TUBGCP5: variants seen among roughly 807,000 people sequenced by gnomAD.
TUBGCP5 encodes gamma-tubulin complex component 5.
In TUBGCP5, 98 loss-of-function variants were observed where a neutral mutation model predicts 134.7. The ratio of observed to expected loss-of-function variants is 0.73; its 90% confidence interval spans 0.62 to 0.86. The LOEUF (loss-of-function observed/expected upper bound fraction) is 0.86. Among genes scored for constraint, TUBGCP5 ranks in the 40% least tolerant of loss-of-function variants. The probability of loss-of-function intolerance (pLI) is 0.00; values close to 1 mark genes in which losing one functional copy is unlikely to be tolerated. For missense variants in TUBGCP5, 1,150 were observed against 1,244.8 expected (o/e 0.92, Z 1.15); for synonymous variants, 456 against 431.4 (o/e 1.06, Z -0.71).
At chr15:22,995,170 G>T (rs182209713), downstream of TUBGCP5, among the ~76,000 whole-genome samples, 752 of 152,080 alleles carry the variant, frequency 4.9e-3, 3 homozygotes, top group Admixed American at 5.3e-3. Flanking sequence ...CTTGAACCTG[G>T]GAGGCAGAGG....
At chr15:23,024,888 A>G (rs1054241825) in intron 8 of TUBGCP5, 58 bp from the exon 9 acceptor site, 3 of 1,052,360 alleles carry the variant, frequency 2.9e-6, no homozygotes, top group Non-Finnish European at 2.9e-6. Flanking sequence ...TATTCATGAC[A>G]GTATGCCCAG....
chr15:23,002,939 C>A (rs2064475159), intron 21 of TUBGCP5, 126 bp downstream of exon 21: 4 of 805,718 alleles, frequency 5.0e-6, no homozygotes, highest in Non-Finnish European at 7.7e-6. Context: ...TAGTCTTGAA[C>A]TCCTGGGGTC....
rs139149953 is a variant in TUBGCP5 at position 23,027,257 on chromosome 15, G to A, written c.672C>T (p.Tyr224=). The A allele has an allele frequency of 2.5e-6, 4 of 1,613,922 alleles. No individual in the cohort carries two copies. The highest frequency in any genetic ancestry group is 3.4e-6 in the Non-Finnish European group (4 of 1,179,976). Reference sequence around the variant, plus strand: ...GAAACTGGGAGGGCCTGGCTGTCCAGTACTGATGGACCACATGATGTTCCA... The same window carrying A: ...GAAACTGGGAGGGCCTGGCTGTCCAATACTGATGGACCACATGATGTTCCA... ...SWLEHHVVHQ[Y]WTARPSQFPH... Residue 224 remains tyrosine (Y), a synonymous_variant, in exon 7 of 23, where the codon TAC becomes TAT. Coordinates refer to ENST00000615383, the MANE Select transcript of TUBGCP5 (RefSeq NM_052903.6).
intron 21 of TUBGCP5, among the ~76,000 whole-genome samples, chr15:23,002,324 C>T (rs2064435284): frequency 1.3e-5 from 2 of 152,146 alleles, no homozygotes; most frequent in Non-Finnish European, 2.9e-5. Flanking sequence ...ATTCTTACTT[C>T]CTTACTGACA....
At chr15:23,030,822 T>C in intron 6 of TUBGCP5, 63 bp downstream of exon 6, 1 of 1,584,340 alleles carries the variant, frequency 6.3e-7, no homozygotes, top group Non-Finnish European at 8.6e-7. Context: ...GATCTCAAAG[T>C]TTGCCTTTCC....
At position 22,992,087 on chromosome 15, in the gene TUBGCP5, T is replaced by A. The variant is rs553698205; in HGVS notation, c.*61+4758A>T. On this transcript the variant is annotated intron_variant and NMD_transcript_variant, in intron 23 of 23. Coordinates refer to the TUBGCP5 transcript ENST00000614508. ...AGAACAAGAACAATGAGGAAGAGAG[T>A]GAATCTGAGAAGAATTGCAGTCGTA... Among the ~76,000 whole-genome samples, 118 of 152,022 alleles carry A rather than the reference T, an allele frequency of 7.8e-4. 1 individual carries two copies. The South Asian group carries it at 9.6e-3, about 12-fold the overall frequency.
chr15:22,998,897 G>A (rs2064217610), downstream of TUBGCP5, among the ~76,000 whole-genome samples: 2 of 152,246 alleles, frequency 1.3e-5, no homozygotes, highest in Admixed American at 6.5e-5. Flanking sequence ...GATTACAGGG[G>A]TGAGCCACCG....
chr15:23,021,695 A>G (rs888926771), intron 11 of TUBGCP5, among the ~76,000 whole-genome samples: 1 of 152,186 alleles, frequency 6.6e-6, no homozygotes, highest in Non-Finnish European at 1.5e-5. Context: ...TGTTTATGTA[A>G]GAAAGCGTTA....
At chr15:22,986,992 G>T (rs890447094) in intron 23 of TUBGCP5, among the ~76,000 whole-genome samples, 6 of 152,104 alleles carry the variant, frequency 3.9e-5, no homozygotes, top group African/African-American at 1.4e-4. Flanking sequence ...TGCACTATGG[G>T]GGCTGGCTCA....
At chr15:22,988,062 A>G (rs2063732455) in intron 23 of TUBGCP5, among the ~76,000 whole-genome samples, 1 of 151,758 alleles carries the variant, frequency 6.6e-6, no homozygotes, top group Admixed American at 6.6e-5. Context: ...TTCCAGAACT[A>G]TGAGTAATAC....
chr15:23,028,370 G>A (rs2044371), intron 6 of TUBGCP5, among the ~76,000 whole-genome samples: 18,173 of 135,984 alleles, frequency 0.13, 1,592 homozygotes, highest in East Asian at 0.45. Context: ...ACAGAGCAGG[G>A]CCCGGTCTTA....
rs2065157228 is a variant in TUBGCP5, at chr15:23,013,527, G to T, written c.1757-2196C>A. 6.6e-6 allele frequency among the ~76,000 whole-genome samples: 1 copy of T among 152,156 alleles called. No individual in the cohort carries two copies. Among genetic ancestry groups the T allele is most frequent in the Non-Finnish European group, 1.5e-5 (1 of 68,018 alleles). ...TGTGACACAGTGTTGGTGACTGGAG[G>T]CCCAGGAGGGCAGTGTGGAGGCTTC... is the stretch of plus-strand genomic sequence containing the variant. On this transcript the variant is annotated intron_variant, in intron 13 of 22. Transcript: ENST00000615383. The surrounding 1 kb of genome is among the most constrained non-coding windows in gnomAD (Gnocchi z 4.5).
At chr15:23,028,012 G>A (rs897043801) in intron 6 of TUBGCP5, among the ~76,000 whole-genome samples, 1 of 152,060 alleles carries the variant, frequency 6.6e-6, no homozygotes, top group African/African-American at 2.4e-5. Flanking sequence ...TGAAAAAGCA[G>A]AAAAAGAGAA....
intron 12 of TUBGCP5, 51 bp from the exon 13 acceptor site, chr15:23,018,092 A>G (rs746981790): frequency 2.0e-6 from 3 of 1,513,386 alleles, no homozygotes; most frequent in South Asian, 2.6e-5. Context: ...TCTTAAAAAC[A>G]GCATACTTGT....
intron 13 of TUBGCP5, 100 bp downstream of exon 13, chr15:23,017,673 T>C (rs1226233746): frequency 8.3e-7 from 1 of 1,205,342 alleles, no homozygotes; most frequent in East Asian, 2.6e-5. Context: ...GAGGGTTTGA[T>C]GACTTGCAAA....
chr15:23,010,010 A>G lies in TUBGCP5; in HGVS notation c.2079T>C (p.Pro693=), dbSNP rs866865563. 1.1e-5 allele frequency: 18 copies of G among 1,614,058 alleles called. No homozygotes were observed. The Middle Eastern group carries it at 8.2e-4, about 74-fold the overall frequency. The change falls in exon 15 of 23, where the codon CCT becomes CCC. Residue 693 remains proline, a synonymous_variant. Transcript: ENST00000615383. ...AATCTAGATACTGCTTGTCAATATG[A>G]GGATAGAGGCAGGATCTCAGCGTTA... ...FELTLRSCLY[P]HIDKQYLDCC... is the part of the protein sequence containing the mutation.
At chr15:22,994,046 G>A (rs999426459) in intron 23 of TUBGCP5, among the ~76,000 whole-genome samples, 1 of 151,982 alleles carries the variant, frequency 6.6e-6, no homozygotes, top group African/African-American at 2.4e-5. Context: ...TCTGTGAATA[G>A]ATTAAGGGTG....
intron 23 of TUBGCP5, among the ~76,000 whole-genome samples, chr15:22,985,252 CTT>C (rs1216889904): frequency 4.6e-5 from 7 of 152,000 alleles, no homozygotes; most frequent in African/African-American, 1.7e-4. Context: ...GAGTTTCACT[CTT>C]GTTGCCCAGG....
At chr15:23,006,209 A>C (rs1190510224) in intron 17 of TUBGCP5, 37 bp from the exon 18 acceptor site, 2 of 1,610,538 alleles carry the variant, frequency 1.2e-6, no homozygotes, top group Non-Finnish European at 1.7e-6. Context: ...GTAACCAATT[A>C]CTTGCATGTT....
Sources: allele counts gnomAD v4.1 joint callset (sites outside exome capture counted in the v4.1 genomes callset), GRCh38; gene constraint gnomAD v4.1.1; non-coding constraint Gnocchi (gnomAD v3.1); transcripts MANE v1.5; gene names NCBI Gene and HGNC (gene_info 2026-07-23, HGNC 2026-07-21).